The following PDZRN4 variants were observed in gnomAD, a reference collection of about 807,000 sequenced individuals.
PDZRN4 encodes the protein PDZ domain-containing RING finger protein 4.
A neutral mutation model predicts 99.0 loss-of-function variants in PDZRN4; 70 were observed. The observed-to-expected ratio is 0.71, with a 90% CI of 0.58 to 0.86. PDZRN4 has a LOEUF of 0.86. PDZRN4 is among the 40% of genes least tolerant of loss of function. The probability of loss-of-function intolerance (pLI) is 0.00; values close to 1 mark genes in which losing one functional copy is unlikely to be tolerated. For synonymous variants in PDZRN4, 551 were observed against 501.6 expected (o/e 1.10, Z -1.32); for missense variants, 1,474 against 1,331.2 (o/e 1.11, Z -1.67).
Position 41,572,367 on chromosome 12 carries a change from A to C in PDZRN4, c.1588A>C (p.Lys530Gln). ...TCTTTCAACATCATTTTCTTAGCCA[A>C]AAAAGCAAGAAGAAGAAGAAGGCAC... Reference protein sequence around the residue: ...QPTANEVEQPKKQEEEEGTTD... With the variant: ...QPTANEVEQPQKQEEEEGTTD... Residue 530 changes from lysine (K) to glutamine (Q), a missense_variant, in exon 10 of 10, where the codon AAA becomes CAA. Transcript: ENST00000402685. The C allele has an allele frequency of 6.3e-7, 1 of 1,591,764 alleles. No individual in the cohort carries two copies. Among genetic ancestry groups the C allele is most frequent in the Non-Finnish European group, 8.6e-7 (1 of 1,167,092 alleles).
intron 3 of PDZRN4, among the ~76,000 whole-genome samples, chr12:41,496,215 G>T (rs1433842367): frequency 6.6e-6 from 1 of 152,018 alleles, no homozygotes; most frequent in African/African-American, 2.4e-5. Flanking sequence ...CACTCAGTGC[G>T]AACTAGTATT....
intron 3 of PDZRN4, among the ~76,000 whole-genome samples, chr12:41,379,477 CTG>C: frequency 6.6e-6 from 1 of 151,316 alleles, no homozygotes; most frequent in East Asian, 1.9e-4. Flanking sequence ...TTAGATCCTT[CTG>C]TTTTTCTTGT....
intron 3 of PDZRN4, among the ~76,000 whole-genome samples, chr12:41,225,493 T>C (rs1408194846): frequency 2.0e-5 from 3 of 152,040 alleles, no homozygotes; most frequent in African/African-American, 7.2e-5. Context: ...ACACATATAA[T>C]TGTGGAAAAT....
chr12:41,402,111 C>G (rs1406866665), intron 3 of PDZRN4, among the ~76,000 whole-genome samples: 9 of 81,416 alleles, frequency 1.1e-4, no homozygotes, highest in African/African-American at 5.6e-4. Context: ...TATATACACA[C>G]TGAGTATATA....
chr12:41,217,712 G>C (rs1352527624), intron 3 of PDZRN4, among the ~76,000 whole-genome samples: 1 of 151,890 alleles, frequency 6.6e-6, no homozygotes, highest in African/African-American at 2.4e-5. Context: ...CCTTCTTCTT[G>C]CTTGTTTCCT....
Position 41,525,615 on chromosome 12 carries a change from C to T in PDZRN4, c.1203+15702C>T, listed in dbSNP as rs142165950. On this transcript the variant is annotated intron_variant, in intron 5 of 9. Transcript: ENST00000402685. ...ATAGATATAGGTATAGACAGATCTACGTAGATTTGTTATATATCTCTATTC... is the reference window on the plus strand; with the variant it reads ...ATAGATATAGGTATAGACAGATCTATGTAGATTTGTTATATATCTCTATTC... Among the ~76,000 whole-genome samples the T allele has an allele frequency of 2.5e-3, 374 of 152,000 alleles. 1 individual carries two copies. Among genetic ancestry groups the T allele is most frequent in the African/African-American group, 8.1e-3 (334 of 41,468 alleles).
At chr12:41,226,770 G>T (rs932498113) in intron 3 of PDZRN4, among the ~76,000 whole-genome samples, 9 of 152,072 alleles carry the variant, frequency 5.9e-5, no homozygotes, top group Non-Finnish European at 1.0e-4. Flanking sequence ...TAATGTTAAG[G>T]CTAGAAAAAC....
intron 4 of PDZRN4, among the ~76,000 whole-genome samples, chr12:41,508,472 G>A (rs185468538): frequency 5.3e-4 from 81 of 152,260 alleles, no homozygotes; most frequent in African/African-American, 1.9e-3. Flanking sequence ...CATATTTCCA[G>A]CACTTGGCCT....
At chr12:41,444,909 G>T (rs1952711230) in intron 3 of PDZRN4, among the ~76,000 whole-genome samples, 1 of 152,010 alleles carries the variant, frequency 6.6e-6, no homozygotes, top group African/African-American at 2.4e-5. Context: ...AAATGTCAGA[G>T]TGGTTTTGAT....
chr12:41,518,682 C>T (rs1938444111), intron 5 of PDZRN4, among the ~76,000 whole-genome samples: 1 of 151,984 alleles, frequency 6.6e-6, no homozygotes, highest in African/African-American at 2.4e-5. Flanking sequence ...GGGCGTATTT[C>T]CTTTATTATT....
intron 3 of PDZRN4, among the ~76,000 whole-genome samples, chr12:41,446,244 G>GCTTTATTTATTTATTTATTT (rs1952727330): frequency 1.6e-5 from 1 of 64,252 alleles, no homozygotes; most frequent in Admixed American, 1.3e-4. Context: ...ACATTGTAGG[G>GCTTTATTTATTTATTTATTT]CTTTATTTAT....
At chr12:41,342,124 G>T (rs1951823001) in intron 3 of PDZRN4, among the ~76,000 whole-genome samples, 1 of 151,916 alleles carries the variant, frequency 6.6e-6, no homozygotes. Flanking sequence ...AATAAATGGT[G>T]CTGGGGTAAT....
At chr12:41,214,016 TA>T (rs1002444404) in intron 3 of PDZRN4, among the ~76,000 whole-genome samples, 2 of 151,994 alleles carry the variant, frequency 1.3e-5, no homozygotes, top group Admixed American at 1.3e-4. Context: ...GCCACCTTCG[TA>T]AAAATTTTGT....
At chr12:41,351,257 G>T (rs2897267) in intron 3 of PDZRN4, among the ~76,000 whole-genome samples, 57,140 of 151,850 alleles carry the variant, frequency 0.38, 10,825 homozygotes, top group Non-Finnish European at 0.39. Flanking sequence ...TTAAAACTAA[G>T]CAAAGCAAAA....
intron 3 of PDZRN4, among the ~76,000 whole-genome samples, chr12:41,416,655 C>G (rs1952447914): frequency 6.6e-6 from 1 of 151,940 alleles, no homozygotes; most frequent in African/African-American, 2.4e-5. Flanking sequence ...GAAACTCCAT[C>G]TAAAGAAAAA....
intron 3 of PDZRN4, among the ~76,000 whole-genome samples, chr12:41,228,147 A>G (rs1055077835): frequency 6.6e-6 from 1 of 152,172 alleles, no homozygotes; most frequent in Non-Finnish European, 1.5e-5. Context: ...TGCCACATCT[A>G]CTTATTACAG....
intron 3 of PDZRN4, among the ~76,000 whole-genome samples, chr12:41,464,214 G>T (rs1033303103): frequency 2.0e-5 from 3 of 152,162 alleles, no homozygotes; most frequent in East Asian, 3.9e-4. Flanking sequence ...TTCCACAGAT[G>T]ATAAAACTGG....
chr12:41,410,959 G>A (rs923413879), intron 3 of PDZRN4, among the ~76,000 whole-genome samples: 11 of 151,878 alleles, frequency 7.2e-5, no homozygotes, highest in African/African-American at 2.4e-4. Flanking sequence ...GCTGACTGCA[G>A]CCCATACCTC....
Position 41,573,703 on chromosome 12 carries a change from C to T in PDZRN4, c.2924C>T (p.Pro975Leu). Residue 975 changes from proline to leucine, a missense_variant, in exon 10 of 10, where the codon CCT becomes CTT. Transcript: ENST00000402685. ...RSRLECLKES[P>L]QSGSEGKKEI... ...AGGTTAGAGTGTCTCAAGGAGAGCC[C>T]TCAGAGCGGCAGTGAGGGCAAGAAG... 6.2e-7 allele frequency: 1 copy of T among 1,613,858 alleles called. No homozygotes were observed. Among genetic ancestry groups the T allele is most frequent in the Non-Finnish European group, 8.5e-7 (1 of 1,179,954 alleles).
Sources: allele counts gnomAD v4.1 joint callset (sites outside exome capture counted in the v4.1 genomes callset), GRCh38; gene constraint gnomAD v4.1.1; transcripts MANE v1.5; gene names NCBI Gene and HGNC (gene_info 2026-07-23, HGNC 2026-07-21).